The following EVC2 variants were observed in gnomAD, a reference collection of about 807,000 sequenced individuals.
EVC2 encodes limbin.
A neutral mutation model predicts 149.3 loss-of-function variants in EVC2; 148 were observed. That is an observed-to-expected ratio of 0.99 (90% CI 0.87 to 1.14). The LOEUF is 1.14. EVC2 is among the 50% of genes most tolerant of loss of function. EVC2 has a pLI of 0.00. For missense variants in EVC2, 1,854 were observed against 1,627.3 expected (o/e 1.14, Z -2.40); for synonymous variants, 776 against 649.9 (o/e 1.19, Z -2.95).
At chr4:5,601,541 C>CG (rs1713982269) in intron 16 of EVC2, among the ~76,000 whole-genome samples, 1 of 149,038 alleles carries the variant, frequency 6.7e-6, no homozygotes, top group South Asian at 2.1e-4. Flanking sequence ...AAACAATGGA[C>CG]GAGAGGTCAA....
At chr4:5,554,454 G>C (rs1387700999) in intron 21 of EVC2, among the ~76,000 whole-genome samples, 1 of 152,190 alleles carries the variant, frequency 6.6e-6, no homozygotes, top group African/African-American at 2.4e-5. Context: ...ACTTTGTTTG[G>C]TTTTACCTAT....
rs1722272362 is a variant in EVC2, at chr4:5,566,142, G to A, written c.3558-783C>T. On this transcript the variant is annotated intron_variant, in intron 20 of 21. Transcript: ENST00000344408. Reference sequence around the variant, plus strand: ...GGAAAGTACAGGCGAAGCCTGGAAGGTGGGCTAGGCAGGGAGCCCTAAAGC... The same window carrying A: ...GGAAAGTACAGGCGAAGCCTGGAAGATGGGCTAGGCAGGGAGCCCTAAAGC... Among the ~76,000 whole-genome samples, 3 of 152,378 alleles carry A rather than the reference G, an allele frequency of 2.0e-5. No individual in the cohort carries two copies. The South Asian group carries it at 6.2e-4, about 32-fold the overall frequency.
At position 5,576,463 on chromosome 4, in the gene EVC2, G is replaced by C; in HGVS notation, c.3058-9C>G. ...TCCAACTCCTGGAGCTCCTACACAA[G>C]GAAGGGGCAGAGGGTAAGCACCACT... On this transcript the variant is annotated splice_polypyrimidine_tract_variant and intron_variant, in intron 17 of 21. Coordinates refer to ENST00000344408, the MANE Select transcript of EVC2 (RefSeq NM_147127.5). This position sits in a 1 kb window ranked among gnomAD's most constrained non-coding sequence, Gnocchi z 4.5. The C allele has an allele frequency of 3.2e-6, 5 of 1,578,930 alleles. No individual in the cohort carries two copies. Among genetic ancestry groups the C allele is most frequent in the Non-Finnish European group, 4.3e-6 (5 of 1,163,782 alleles).
intron 10 of EVC2, among the ~76,000 whole-genome samples, chr4:5,635,595 T>C (rs958848929): frequency 5.9e-5 from 9 of 152,186 alleles, no homozygotes; most frequent in African/African-American, 2.2e-4. Context: ...CTCTACAGCA[T>C]CACAAAGTGA....
rs115040140 is a variant in EVC2, at chr4:5,652,057, C to T, written c.1145+11050G>A. Among the ~76,000 whole-genome samples the T allele has an allele frequency of 3.3e-5, 5 of 152,298 alleles. No homozygotes were observed. In the East Asian group the frequency reaches 7.7e-4, roughly 23 times the overall value. On this transcript the variant is annotated intron_variant, in intron 9 of 21. Transcript: ENST00000344408. Reference sequence around the variant, plus strand: ...TTACCAGGGAACAGGGGGAAGCTGGCGAAGGCTTTTCAGCACATGTGACCC... The same window carrying T: ...TTACCAGGGAACAGGGGGAAGCTGGTGAAGGCTTTTCAGCACATGTGACCC...
chr4:5,705,612 T>A (rs1722082692), intron 1 of EVC2, among the ~76,000 whole-genome samples: 1 of 152,196 alleles, frequency 6.6e-6, no homozygotes, highest in Non-Finnish European at 1.5e-5. Context: ...AGAATGGCAT[T>A]TTTTTACATT....
chr4:5,671,306 C>T (rs558392578), intron 7 of EVC2, among the ~76,000 whole-genome samples: 4 of 152,168 alleles, frequency 2.6e-5, no homozygotes, highest in Non-Finnish European at 4.4e-5. Context: ...AGCCCTGCAT[C>T]GAGCCATCAA....
intron 12 of EVC2, among the ~76,000 whole-genome samples, chr4:5,626,456 C>G (rs1476337932): frequency 6.6e-6 from 1 of 151,770 alleles, no homozygotes; most frequent in East Asian, 1.9e-4. Flanking sequence ...GCCTCAGCCT[C>G]CGGAGTAGTT....
At chr4:5,592,681 T>C (rs961716237) in intron 16 of EVC2, among the ~76,000 whole-genome samples, 25 of 152,168 alleles carry the variant, frequency 1.6e-4, no homozygotes, top group Non-Finnish European at 3.2e-4. Flanking sequence ...AGAGGCAAAA[T>C]GGCAGAGTAT....
intron 8 of EVC2, among the ~76,000 whole-genome samples, chr4:5,663,702 C>A (rs1719060086): frequency 6.6e-6 from 1 of 152,124 alleles, no homozygotes; most frequent in Admixed American, 6.5e-5. Context: ...GGATGGATCA[C>A]TTGAGGTTAG....
rs773029841 is a variant in EVC2 at position 5,622,958 on chromosome 4, C to T, written c.2080G>A (p.Gly694Ser). The T allele has an allele frequency of 5.6e-6, 9 of 1,614,018 alleles. No individual in the cohort carries two copies. The highest frequency in any genetic ancestry group is 1.3e-5 in the African/African-American group (1 of 75,028). Reference sequence around the variant, plus strand: ...TCCTCAACCGTTCGGAAGGCCTCGCCGACGGACGCCTGCTCCCTACGCTGC... The same window carrying T: ...TCCTCAACCGTTCGGAAGGCCTCGCTGACGGACGCCTGCTCCCTACGCTGC... ...REQRREQASV[G>S]EAFRTVEDAG... The change falls in exon 14 of 22, where the codon GGC (glycine) becomes AGC (serine). Residue 694 changes from glycine to serine, a missense_variant. Physicochemically the swap from Gly to Ser is moderately conservative, Grantham distance 56 (BLOSUM62 0). Transcript: ENST00000344408. The surrounding 1 kb of genome is among the most constrained non-coding windows in gnomAD (Gnocchi z 5.8).
intron 11 of EVC2, among the ~76,000 whole-genome samples, chr4:5,629,581 T>G (rs1394156947): frequency 6.6e-6 from 1 of 152,236 alleles, no homozygotes; most frequent in Non-Finnish European, 1.5e-5. Flanking sequence ...TAACCAAAAG[T>G]GTCAACGCTT....
chr4:5,584,522 A>T, intron 17 of EVC2, 101 bp downstream of exon 17: 1 of 1,209,598 alleles, frequency 8.3e-7, no homozygotes, highest in Non-Finnish European at 1.2e-6. Context: ...CACAGCACAG[A>T]CAGGACGGGG....
In EVC2 at chr4:5,686,393, C is replaced by T. The variant is rs371522981; in HGVS notation, c.707-914G>A. ...TATAACCTAGAGCTAAGATAATGAACGTAAAGTGATAAAGATAATGGCAGT... is the reference window on the plus strand; with the variant it reads ...TATAACCTAGAGCTAAGATAATGAATGTAAAGTGATAAAGATAATGGCAGT... On this transcript the variant is annotated intron_variant, in intron 5 of 21. Transcript: ENST00000344408. This position sits in a 1 kb window ranked among gnomAD's most constrained non-coding sequence, Gnocchi z 5.4. Among the ~76,000 whole-genome samples, 18 of 152,004 alleles carry T rather than the reference C, an allele frequency of 1.2e-4. No homozygotes were observed. In the South Asian group the frequency reaches 3.3e-3, roughly 28 times the overall value.
At chr4:5,548,327 G>A (rs1447739201) in intron 21 of EVC2, among the ~76,000 whole-genome samples, 1 of 150,762 alleles carries the variant, frequency 6.6e-6, no homozygotes, top group East Asian at 2.0e-4. Flanking sequence ...CCTGGAATGA[G>A]GAAGAAATGA....
At chr4:5,558,726 A>T (rs1721885284), downstream of EVC2, among the ~76,000 whole-genome samples, 1 of 152,234 alleles carries the variant, frequency 6.6e-6, no homozygotes, top group South Asian at 2.1e-4. Flanking sequence ...AAATGAGTGA[A>T]GTCTTTAAAT....
chr4:5,660,166 A>C (rs1233026660), intron 9 of EVC2, among the ~76,000 whole-genome samples: 1 of 152,182 alleles, frequency 6.6e-6, no homozygotes, highest in Non-Finnish European at 1.5e-5. Context: ...TGGCATCTGG[A>C]TGGCTGCACA....
At chr4:5,702,009 C>G (rs995288232) in intron 1 of EVC2, among the ~76,000 whole-genome samples, 3 of 152,138 alleles carry the variant, frequency 2.0e-5, no homozygotes, top group Non-Finnish European at 4.4e-5. Context: ...GCTCACACAT[C>G]CGCCTGCCAT....
At chr4:5,606,938 G>C (rs1160714209) in intron 16 of EVC2, among the ~76,000 whole-genome samples, 5 of 152,202 alleles carry the variant, frequency 3.3e-5, no homozygotes, top group Non-Finnish European at 7.3e-5. Flanking sequence ...GAACATGGCA[G>C]AGCTCAGACT....
Sources: gnomAD v4.1 joint callset for allele counts (sites outside exome capture counted in the v4.1 genomes callset) on GRCh38, gnomAD v4.1.1 for gene constraint, Gnocchi (gnomAD v3.1) non-coding constraint, MANE v1.5 for transcripts, NCBI Gene and HGNC (gene_info 2026-07-23, HGNC 2026-07-21) for gene names.